The following CHST8 variants were observed in gnomAD, a reference collection of about 807,000 sequenced individuals.
CHST8 encodes the protein carbohydrate sulfotransferase 8, also known as GALNAC-4-ST1.
In CHST8, 10 loss-of-function variants were observed where a neutral mutation model predicts 15.0. The ratio of observed to expected loss-of-function variants is 0.67; its 90% CI spans 0.41 to 1.13. The LOEUF is 1.13. CHST8 is among the 50% of genes most tolerant of loss of function. The probability of loss-of-function intolerance (pLI) is 0.00; values close to 1 mark genes in which losing one functional copy is unlikely to be tolerated. For synonymous variants in CHST8, 259 were observed against 256.6 expected, an observed-to-expected ratio of 1.01 and a Z score of -0.09; for missense variants, 634 against 608.2, an observed-to-expected ratio of 1.04 and a Z score of -0.45.
At chr19:33,735,696 G>A (rs966805648) in intron 3 of CHST8, among the ~76,000 whole-genome samples, 1 of 152,174 alleles carries the variant, frequency 6.6e-6, no homozygotes, top group African/African-American at 2.4e-5. Context: ...GCGTGCTGGT[G>A]CACACCTGTA....
At chr19:33,642,772 A>G (rs888199276) in intron 1 of CHST8, among the ~76,000 whole-genome samples, 1 of 152,374 alleles carries the variant, frequency 6.6e-6, no homozygotes, top group Non-Finnish European at 1.5e-5. Context: ...ACATTGTCCC[A>G]GAGAAGGGGC....
rs746395808 is a variant in CHST8 at position 33,772,747 on chromosome 19, G to A, written c.959G>A (p.Arg320Gln). The part of the protein sequence containing the change: ...EFVQYLLDVH[R>Q]PVGMDIHWDH... Reference sequence around the variant, plus strand: ...GTCCAGTACCTGCTGGACGTGCACCGGCCCGTGGGGATGGACATTCACTGG... The same window carrying A: ...GTCCAGTACCTGCTGGACGTGCACCAGCCCGTGGGGATGGACATTCACTGG... The change falls in exon 5 of 5, where the codon CGG becomes CAG. Residue 320 changes from arginine to glutamine, a missense_variant. By Grantham distance (43) the Arg-to-Gln change is conservative. Transcript: ENST00000650847. The A allele has an allele frequency of 3.7e-6, 6 of 1,613,404 alleles. No individual in the cohort carries two copies. The highest frequency in any genetic ancestry group is 1.1e-5 in the South Asian group (1 of 91,090).
chr19:33,761,639 CAT>C (rs377389269), intron 3 of CHST8, among the ~76,000 whole-genome samples: 23 of 150,396 alleles, frequency 1.5e-4, no homozygotes, highest in African/African-American at 3.6e-4. Flanking sequence ...CCAAAATATA[CAT>C]ATATATATAT....
chr19:33,652,566 A>T (rs1972463248), intron 1 of CHST8, among the ~76,000 whole-genome samples: 1 of 151,616 alleles, frequency 6.6e-6, no homozygotes, highest in Admixed American at 6.6e-5. Context: ...ATTAGAGATG[A>T]GTTTTCACCA....
intron 3 of CHST8, among the ~76,000 whole-genome samples, chr19:33,694,643 G>A (rs1973176093): frequency 6.6e-6 from 1 of 152,116 alleles, no homozygotes; most frequent in South Asian, 2.1e-4. Flanking sequence ...GCAGTGGCAT[G>A]ATCTTGGCTC....
At chr19:33,633,994 A>AT (rs1323431404) in intron 1 of CHST8, among the ~76,000 whole-genome samples, 2 of 150,328 alleles carry the variant, frequency 1.3e-5, no homozygotes, top group African/African-American at 4.9e-5. Context: ...TTGTTTTGGT[A>AT]TTTTTTGTAG....
intron 3 of CHST8, among the ~76,000 whole-genome samples, chr19:33,724,584 C>A (rs1488995131): frequency 6.6e-6 from 1 of 152,222 alleles, no homozygotes. Context: ...AGTGTGGGCG[C>A]AAGCCTGGAC....
At chr19:33,690,957 G>A (rs1009624012) in intron 3 of CHST8, among the ~76,000 whole-genome samples, 4 of 152,228 alleles carry the variant, frequency 2.6e-5, no homozygotes, top group Non-Finnish European at 5.9e-5. Context: ...GTAGGCAGAG[G>A]GTCCAGGCGG....
chr19:33,666,525 CT>C (rs1247940944), intron 1 of CHST8, among the ~76,000 whole-genome samples: 2 of 152,116 alleles, frequency 1.3e-5, no homozygotes, highest in Non-Finnish European at 2.9e-5. Flanking sequence ...GTGGGAGGGT[CT>C]GGGGCAGGTG....
At chr19:33,642,271 C>G (rs1204629828) in intron 1 of CHST8, among the ~76,000 whole-genome samples, 2 of 152,084 alleles carry the variant, frequency 1.3e-5, no homozygotes, top group Non-Finnish European at 2.9e-5. Context: ...CCCAGGACCC[C>G]GTGGATGAGT....
chr19:33,683,439 C>T (rs941280445), intron 2 of CHST8, among the ~76,000 whole-genome samples: 3 of 152,148 alleles, frequency 2.0e-5, no homozygotes, highest in Non-Finnish European at 4.4e-5. Flanking sequence ...GAGCGGGCCT[C>T]GGGTATTTCA....
intron 3 of CHST8, among the ~76,000 whole-genome samples, chr19:33,759,505 C>G (rs533382389): frequency 1.3e-5 from 2 of 152,264 alleles, no homozygotes; most frequent in East Asian, 3.9e-4. Flanking sequence ...CCCACTGCCT[C>G]TACCCCTCTT....
chr19:33,634,590 G>GACCAGCCCCTGCCC (rs1311507575), intron 1 of CHST8, among the ~76,000 whole-genome samples: 1 of 149,610 alleles, frequency 6.7e-6, no homozygotes, highest in Admixed American at 6.7e-5. Context: ...TGCAGGTGCT[G>GACCAGCCCCTGCCC]AGCCCTGGCC....
chr19:33,757,514 GAAAGAAAGAGAAAGAAAGAAAGAA>G (rs1974608492), intron 3 of CHST8, among the ~76,000 whole-genome samples: 4 of 54,042 alleles, frequency 7.4e-5, no homozygotes, highest in Admixed American at 4.1e-4. Context: ...AAGAAAGAAA[GAAAGAAAGAGAAAGAAAGAAAGAA>G]AGAAAGAAAG....
At chr19:33,746,202 T>A (rs777045768) in intron 3 of CHST8, among the ~76,000 whole-genome samples, 3 of 152,214 alleles carry the variant, frequency 2.0e-5, no homozygotes, top group Admixed American at 6.5e-5. Flanking sequence ...CTAAAATATG[T>A]TCACATCGTT....
chr19:33,754,732 C>G (rs577068353), intron 3 of CHST8, among the ~76,000 whole-genome samples: 22 of 152,204 alleles, frequency 1.4e-4, no homozygotes, highest in Non-Finnish European at 2.9e-4. Flanking sequence ...GTGACAGCCT[C>G]TCAAATAGAC....
chr19:33,627,361 C>T (rs994109798), intron 1 of CHST8, among the ~76,000 whole-genome samples: 6 of 151,968 alleles, frequency 3.9e-5, no homozygotes, highest in Admixed American at 3.3e-4. Context: ...ATCTGCCCAT[C>T]TCGGGCTCCC....
chr19:33,709,222 T>A (rs1028025252), intron 3 of CHST8, among the ~76,000 whole-genome samples: 7 of 152,222 alleles, frequency 4.6e-5, no homozygotes, highest in African/African-American at 1.7e-4. Context: ...TTTTCCTGCC[T>A]GATTCAACTG....
At chr19:33,678,140 G>A (rs1972834522) in intron 2 of CHST8, among the ~76,000 whole-genome samples, 1 of 152,146 alleles carries the variant, frequency 6.6e-6, no homozygotes, top group Non-Finnish European at 1.5e-5. Context: ...ACACTCTGTG[G>A]GGAAAAAGAA....
Sources: gnomAD v4.1 joint callset for allele counts (sites outside exome capture counted in the v4.1 genomes callset) on GRCh38, gnomAD v4.1.1 for gene constraint, MANE v1.5 for transcripts, NCBI Gene and HGNC (gene_info 2026-07-23, HGNC 2026-07-21) for gene names.